EGFLAM: variants seen among roughly 807,000 people sequenced by gnomAD.
EGFLAM encodes the protein EGF like, fibronectin type III and laminin G domains.
Under a neutral mutation model 113.1 loss-of-function variants are expected in EGFLAM, and 79 were observed. That is an observed-to-expected ratio of 0.70 (90% confidence interval 0.58 to 0.84). The LOEUF is 0.84. Among genes scored for constraint, EGFLAM ranks in the 40% least tolerant of loss-of-function variants. EGFLAM has a pLI of 0.00. For missense variants in EGFLAM, 1,265 were observed against 1,291.6 expected, an observed-to-expected ratio of 0.98 and a Z score of 0.32; for synonymous variants, 504 against 487.6, an observed-to-expected ratio of 1.03 and a Z score of -0.44.
rs1742551444 is a variant in EGFLAM at position 38,441,992 on chromosome 5, A to G, written c.2464+3537A>G. ...GCTAGGCCTAGCGCCTGTACTCATC[A>G]GGGGCGCACAGTCCTCAAGTAACCA... is the stretch of plus-strand genomic sequence containing the variant. On this transcript the variant is annotated intron_variant, in intron 17 of 21. Transcript: ENST00000322350. Among the ~76,000 whole-genome samples the G allele has an allele frequency of 2.0e-5, 3 of 152,168 alleles. No individual in the cohort carries two copies. In the South Asian group the frequency reaches 6.2e-4, roughly 32 times the overall value.
At chr5:38,332,987 G>A (rs1739084940) in intron 1 of EGFLAM, among the ~76,000 whole-genome samples, 2 of 152,318 alleles carry the variant, frequency 1.3e-5, no homozygotes, top group Admixed American at 1.3e-4. Context: ...AGCGTCTGTT[G>A]TTTCCTTCTT....
intron 1 of EGFLAM, among the ~76,000 whole-genome samples, chr5:38,260,174 A>G (rs1324142386): frequency 6.6e-6 from 1 of 152,218 alleles, no homozygotes; most frequent in African/African-American, 2.4e-5. Flanking sequence ...GCACACATAC[A>G]TATACCTTCA....
At chr5:38,309,694 T>G (rs1244759811) in intron 1 of EGFLAM, among the ~76,000 whole-genome samples, 1 of 152,224 alleles carries the variant, frequency 6.6e-6, no homozygotes, top group Non-Finnish European at 1.5e-5. Flanking sequence ...AAAGCATACA[T>G]GAAGGTTGCA....
At chr5:38,416,057 T>G (rs1579899039) in intron 11 of EGFLAM, among the ~76,000 whole-genome samples, 1 of 107,594 alleles carries the variant, frequency 9.3e-6, no homozygotes, top group African/African-American at 3.4e-5. Flanking sequence ...TATCATCATG[T>G]TTTTTTTTTA....
At chr5:38,371,761 C>T (rs1383899470) in intron 6 of EGFLAM, among the ~76,000 whole-genome samples, 1 of 152,214 alleles carries the variant, frequency 6.6e-6, no homozygotes, top group Non-Finnish European at 1.5e-5. Flanking sequence ...ATTCCAAAGG[C>T]TGACGGCATT....
At chr5:38,308,290 G>A (rs1024243484) in intron 1 of EGFLAM, among the ~76,000 whole-genome samples, 1 of 152,190 alleles carries the variant, frequency 6.6e-6, no homozygotes, top group Non-Finnish European at 1.5e-5. Flanking sequence ...AGGGCTGTGG[G>A]GCCCTGCCTG....
chr5:38,335,722 A>G (rs1254657879), intron 1 of EGFLAM, among the ~76,000 whole-genome samples: 1 of 152,164 alleles, frequency 6.6e-6, no homozygotes, highest in East Asian at 1.9e-4. Context: ...TTTTGACCTC[A>G]TGGTTCCTGC....
intron 6 of EGFLAM, among the ~76,000 whole-genome samples, chr5:38,386,745 T>C (rs1272863053): frequency 6.6e-6 from 1 of 151,886 alleles, no homozygotes; most frequent in African/African-American, 2.4e-5. Context: ...GACCTTGTGA[T>C]CTGCCCGCCT....
intron 3 of EGFLAM, among the ~76,000 whole-genome samples, chr5:38,343,406 C>CAAA (rs61453202): frequency 3.1e-5 from 4 of 130,948 alleles, no homozygotes; most frequent in East Asian, 2.3e-4. Context: ...AACTCCATCT[C>CAAA]AAAAAAAAAA....
At chr5:38,285,045 T>C (rs1385858355) in intron 1 of EGFLAM, among the ~76,000 whole-genome samples, 1 of 152,224 alleles carries the variant, frequency 6.6e-6, no homozygotes, top group African/African-American at 2.4e-5. Flanking sequence ...AACTCTCTTG[T>C]CGAGTCCAAT....
intron 3 of EGFLAM, among the ~76,000 whole-genome samples, chr5:38,343,376 A>G (rs1739392839): frequency 6.8e-6 from 1 of 148,064 alleles, no homozygotes; most frequent in Non-Finnish European, 1.5e-5. Flanking sequence ...ATTGCACTCT[A>G]GCCTGGGCAA....
intron 15 of EGFLAM, among the ~76,000 whole-genome samples, chr5:38,433,055 AGG>A (rs1319299785): frequency 6.6e-6 from 1 of 152,222 alleles, no homozygotes; most frequent in African/African-American, 2.4e-5. Flanking sequence ...AGGAGTGGGA[AGG>A]CCAATGCCTG....
intron 1 of EGFLAM, among the ~76,000 whole-genome samples, chr5:38,287,231 T>C (rs1026213989): frequency 6.6e-6 from 1 of 152,234 alleles, no homozygotes; most frequent in African/African-American, 2.4e-5. Flanking sequence ...CTTCAGTTTT[T>C]TTCTTTCATG....
chr5:38,299,305 A>G (rs1356495969), intron 1 of EGFLAM, among the ~76,000 whole-genome samples: 2 of 152,210 alleles, frequency 1.3e-5, no homozygotes, highest in South Asian at 2.1e-4. Context: ...TCATTTACCT[A>G]AAAGTATCCA....
chr5:38,407,052 C>T lies in EGFLAM; in HGVS notation c.1053C>T (p.Leu351=). 1 of 1,614,198 alleles carries T rather than the reference C, an allele frequency of 6.2e-7. No individual in the cohort carries two copies. ...TTGACATGCCTTGTGATGAAACTCT[C>T]TGCTCTGCTGACAGCTTCTGTGTCA... ...RLFDMPCDET[L]CSADSFCVND... The change falls in exon 8 of 22, where the codon CTC becomes CTT. Residue 351 remains leucine (L), a synonymous_variant. Coordinates refer to ENST00000322350, the MANE Select transcript of EGFLAM (RefSeq NM_152403.4).
intron 1 of EGFLAM, among the ~76,000 whole-genome samples, chr5:38,287,100 AG>A (rs1297164659): frequency 6.6e-6 from 1 of 152,232 alleles, no homozygotes; most frequent in Non-Finnish European, 1.5e-5. Context: ...TTGTCTCCCA[AG>A]ATCACTGTTG....
At position 38,303,111 on chromosome 5, in the gene EGFLAM, A is replaced by G. The variant is rs913873990; in HGVS notation, c.98-34409A>G. ...GTTGTGGAAGAGCAGAAATATACCC[A>G]TTGTCCTTGGGATTTACCCAGCACA... On this transcript the variant is annotated intron_variant, in intron 1 of 21. Transcript: ENST00000322350. 1.6e-4 allele frequency among the ~76,000 whole-genome samples: 25 copies of G among 152,036 alleles called. 1 individual carries two copies. Among genetic ancestry groups the G allele is most frequent in the Non-Finnish European group, 2.6e-4 (18 of 68,010 alleles).
intron 13 of EGFLAM, among the ~76,000 whole-genome samples, 155 bp downstream of exon 13, chr5:38,425,247 G>A (rs1462146418): frequency 1.3e-5 from 2 of 152,082 alleles, no homozygotes; most frequent in African/African-American, 2.4e-5. Context: ...GGCGCATCTC[G>A]GCTCACTGCA....
At chr5:38,367,045 G>A (rs1178961074) in intron 5 of EGFLAM, among the ~76,000 whole-genome samples, 1 of 152,140 alleles carries the variant, frequency 6.6e-6, no homozygotes, top group East Asian at 1.9e-4. Flanking sequence ...TTCCAAAGCT[G>A]AGCCACTGAT....
Sources: allele counts gnomAD v4.1 joint callset (sites outside exome capture counted in the v4.1 genomes callset), GRCh38; gene constraint gnomAD v4.1.1; transcripts MANE v1.5; gene names NCBI Gene and HGNC (gene_info 2026-07-23, HGNC 2026-07-21).